Variants in ZNF536 observed in about 807,000 individuals in gnomAD.
ZNF536 encodes the protein zinc finger protein 536.
A neutral mutation model predicts 84.5 loss-of-function variants in ZNF536; 13 were observed. That is an observed-to-expected ratio of 0.15 (90% CI 0.10 to 0.24). The LOEUF (loss-of-function observed/expected upper bound fraction) is 0.24. Among genes scored for constraint, ZNF536 ranks in the 10% least tolerant of loss-of-function variants. The pLI, the probability that ZNF536 is intolerant of heterozygous loss-of-function variation, is 1.00. For missense variants in ZNF536, 1,536 were observed against 1,747.5 expected (o/e 0.88, Z 2.16); for synonymous variants, 811 against 742.5 (o/e 1.09, Z -1.50).
At chr19:30,709,111 G>T (rs573993784) in intron 1 of ZNF536, among the ~76,000 whole-genome samples, 77 of 152,168 alleles carry the variant, frequency 5.1e-4, no homozygotes, top group Non-Finnish European at 9.1e-4. Context: ...AGTTCCTCGA[G>T]ATGGTAGAGT....
chr19:30,383,657 TC>T lies in ZNF536; in HGVS notation c.-3+11102del, dbSNP rs1568376293. ...TCCTTTCTTCCTTCCTTTCTTTCTC[TC>T]TTTCTCTTTCTTTCTTCCTTTCTTC... is the stretch of plus-strand genomic sequence containing the variant. On this transcript the variant is annotated intron_variant, in intron 1 of 4. Coordinates refer to ENST00000355537, the MANE Select transcript of ZNF536 (RefSeq NM_014717.3). Among the ~76,000 whole-genome samples, 12 of 52,214 alleles carry T rather than the reference TC, an allele frequency of 2.3e-4. 1 individual carries two copies. Among genetic ancestry groups the T allele is most frequent in the East Asian group, 1.4e-3 (2 of 1,470 alleles). The allele number at this position is 52,214 out of a possible 152,430, so 34.3% of individuals were successfully genotyped here.
intron 1 of ZNF536, among the ~76,000 whole-genome samples, chr19:30,443,044 T>G (rs377638790): frequency 2.5e-3 from 42 of 16,888 alleles, no homozygotes; most frequent in African/African-American, 6.6e-3. Flanking sequence ...TTTTTGTTTG[T>G]TTTTTTTTTT....
chr19:30,371,888 A>G (rs998309234), upstream of ZNF536, among the ~76,000 whole-genome samples: 6 of 152,142 alleles, frequency 3.9e-5, 1 homozygote, highest in African/African-American at 1.4e-4. Context: ...TGCATTTAAT[A>G]TCTGCCACCT....
intron 1 of ZNF536, among the ~76,000 whole-genome samples, chr19:30,402,794 A>ATATATAT (rs1555744970): frequency 1.3e-5 from 1 of 76,736 alleles, no homozygotes; most frequent in Non-Finnish European, 3.0e-5. Flanking sequence ...TTAAAATTAA[A>ATATATAT]AAATATATAT....
At chr19:30,332,400 C>A (rs561437342) in intron 2 of ZNF536, among the ~76,000 whole-genome samples, 2 of 152,168 alleles carry the variant, frequency 1.3e-5, no homozygotes, top group East Asian at 3.9e-4. Flanking sequence ...GCACCTGGCA[C>A]CCTTATGTAT....
In ZNF536 at chr19:30,549,138, C is replaced by T. The variant is rs2146239717; in HGVS notation, c.3519C>T (p.Ser1173=). The T allele has an allele frequency of 6.2e-7, 1 of 1,614,074 alleles. No homozygotes were observed. Among genetic ancestry groups the T allele is most frequent in the South Asian group, 1.1e-5 (1 of 91,080 alleles). Residue 1173 remains serine (S), a synonymous_variant, in exon 4 of 5, where the codon TCC becomes TCT. Coordinates refer to ENST00000355537, the MANE Select transcript of ZNF536 (RefSeq NM_014717.3). ...DIASSEDMDS[S]KGENNDEEDV... ...CCTCCTCAGAGGACATGGACTCCTC[C>T]AAGGGGGAGAACAACGATGAAGAGG...
rs200399517 is a variant in ZNF536, at chr19:30,693,017, T to TG, written c.170-17733dup. Among the ~76,000 whole-genome samples, 148 of 150,188 alleles carry TG rather than the reference T, an allele frequency of 9.9e-4. 8 individuals are homozygous for TG. The highest frequency in any genetic ancestry group is 1.9e-3 in the South Asian group (9 of 4,680). ...ATCTTAGTTTAGCAGCTCCAAAACC[T>TG]GGGGGGGAGAGAGAGAGAGAGAGAG... On this transcript the variant is annotated intron_variant, in intron 1 of 1. Transcript: ENST00000592773.
At chr19:30,549,584 A>G (rs927295871) in intron 4 of ZNF536, 70 bp downstream of exon 4, 17 of 1,418,116 alleles carry the variant, frequency 1.2e-5, no homozygotes, top group Non-Finnish European at 1.6e-5. Flanking sequence ...CATTTAAAAA[A>G]ATGAGGTAGA....
rs1195492705 is a variant in ZNF536 at position 30,563,822 on chromosome 19, G to GAGGCAGGCCTTT, written c.169+14311_169+14312insCAGGCCTTTAGG. ...GTGACGGATGCTCTAGTGGTGGGAAGAGGGATTCCTAAGGGCCCCTTGCCC... is the reference window on the plus strand; with the variant it reads ...GTGACGGATGCTCTAGTGGTGGGAAGAGGCAGGCCTTTAGGGATTCCTAAGGGCCCCTTGCCC... On this transcript the variant is annotated intron_variant, in intron 1 of 1. Coordinates refer to the ZNF536 transcript ENST00000592773. 1.3e-4 allele frequency among the ~76,000 whole-genome samples: 20 copies of GAGGCAGGCCTTT among 152,338 alleles called. No individual in the cohort carries two copies. The East Asian group carries it at 3.9e-3, about 29-fold the overall frequency.
chr19:30,425,851 A>T (rs1163234852), intron 1 of ZNF536, among the ~76,000 whole-genome samples: 1 of 152,200 alleles, frequency 6.6e-6, no homozygotes, highest in Admixed American at 6.5e-5. Flanking sequence ...TCTCCCATGT[A>T]GGGACTGTGG....
At chr19:30,326,121 G>A (rs2047015966) in intron 2 of ZNF536, among the ~76,000 whole-genome samples, 1 of 152,204 alleles carries the variant, frequency 6.6e-6, no homozygotes. Flanking sequence ...ATAGTGCTGG[G>A]GTCAGATGGT....
At chr19:30,571,278 A>G (rs1468494745) in intron 1 of ZNF536, among the ~76,000 whole-genome samples, 2 of 152,120 alleles carry the variant, frequency 1.3e-5, no homozygotes, top group African/African-American at 4.8e-5. Flanking sequence ...AGGCCATTCT[A>G]CTGGGGGTCT....
chr19:30,654,835 C>A (rs952122782), intron 1 of ZNF536, among the ~76,000 whole-genome samples: 1 of 151,950 alleles, frequency 6.6e-6, no homozygotes, highest in Non-Finnish European at 1.5e-5. Context: ...ACCCACCCCC[C>A]ACACACCCCC....
At chr19:30,429,080 G>C (rs555279419) in intron 1 of ZNF536, among the ~76,000 whole-genome samples, 3 of 152,198 alleles carry the variant, frequency 2.0e-5, no homozygotes, top group African/African-American at 7.2e-5. Flanking sequence ...GTTTAAGGGG[G>C]TGGAGGAGGC....
intron 1 of ZNF536, among the ~76,000 whole-genome samples, chr19:30,645,330 C>G (rs2049425462): frequency 6.6e-6 from 1 of 152,156 alleles, no homozygotes; most frequent in Non-Finnish European, 1.5e-5. Context: ...CCTGTTCACT[C>G]TGATGGTAGT....
rs548528223 is a variant in ZNF536 at position 30,454,679 on chromosome 19, T to C, written c.2170+8947T>C. ...GAGAGAGAAGGCTTGGCAGTGTTCA[T>C]GTCCGTCTCTGGCTGGGGCCAGACC... is the stretch of plus-strand genomic sequence containing the variant. On this transcript the variant is annotated intron_variant, in intron 2 of 4. Coordinates refer to ENST00000355537, the MANE Select transcript of ZNF536 (RefSeq NM_014717.3). Among the ~76,000 whole-genome samples, 3 of 152,328 alleles carry C rather than the reference T, an allele frequency of 2.0e-5. 1 individual carries two copies. In the South Asian group the frequency reaches 6.2e-4, roughly 32 times the overall value.
In ZNF536 at chr19:30,444,285, C is replaced by T. The variant is rs1484344375; in HGVS notation, c.723C>T (p.Ala241=). Residue 241 remains alanine (A), a synonymous_variant, in exon 2 of 5, where the codon GCC becomes GCT. Transcript: ENST00000355537. ...CCCCGCTGGCCGCCTGCACCCTGGC[C>T]CTGCAGGCTAACCACAGCGTTCCCG... The part of the protein sequence containing the change: ...QQAPLAACTL[A]LQANHSVPDV... The T allele has an allele frequency of 6.4e-7, 1 of 1,571,324 alleles. No individual in the cohort carries two copies. Among genetic ancestry groups the T allele is most frequent in the Non-Finnish European group, 8.6e-7 (1 of 1,166,406 alleles).
chr19:30,700,193 T>C (rs1209761844), intron 1 of ZNF536, among the ~76,000 whole-genome samples: 8 of 83,466 alleles, frequency 9.6e-5, no homozygotes, highest in African/African-American at 3.7e-4. Flanking sequence ...TCTTTCCTTC[T>C]TTCTTTCCTT....
chr19:30,385,156 C>T (rs2049286754), intron 1 of ZNF536, among the ~76,000 whole-genome samples: 1 of 152,028 alleles, frequency 6.6e-6, no homozygotes. Context: ...CCCAGGCATC[C>T]TTCTCTTTCA....
Sources: allele counts gnomAD v4.1 joint callset (sites outside exome capture counted in the v4.1 genomes callset), GRCh38; gene constraint gnomAD v4.1.1; transcripts MANE v1.5; gene names NCBI Gene and HGNC (gene_info 2026-07-23, HGNC 2026-07-21).